MYOM1: variants seen among roughly 807,000 people sequenced by gnomAD.
MYOM1 encodes the protein myomesin-1.
MYOM1 carries 164 observed loss-of-function variants against 205.3 expected under a neutral mutation model. The observed-to-expected ratio is 0.80, with a 90% confidence interval of 0.70 to 0.91. The LOEUF (loss-of-function observed/expected upper bound fraction) is 0.91, where lower values mean the gene tolerates loss of function less well. Among genes scored for constraint, MYOM1 ranks in the 40% least tolerant of loss-of-function variants. The pLI is 0.00. For synonymous variants in MYOM1, 772 were observed against 789.4 expected, an observed-to-expected ratio of 0.98 and a Z score of 0.37; for missense variants, 2,011 against 2,127.3, an observed-to-expected ratio of 0.95 and a Z score of 1.08.
In MYOM1 at chr18:3,174,086, C is replaced by CAT. The variant is rs67577394; in HGVS notation, c.1111+33_1111+34insAT. 105,549 of 1,610,040 alleles carry CAT rather than the reference C, an allele frequency of 0.066. 4,124 individuals are homozygous for CAT. The highest frequency in any genetic ancestry group is 0.15 in the African/African-American group (11,422 of 74,860). On this transcript the variant is annotated intron_variant, in intron 7 of 37. Transcript: ENST00000356443. ...GGGAAGAAATTTTTAAAAACACACACACACTTTGAAGAAAACAAATCTAGC... is the reference window on the plus strand; with the variant it reads ...GGGAAGAAATTTTTAAAAACACACACATACACTTTGAAGAAAACAAATCTAGC...
In MYOM1 at chr18:3,089,604, T is replaced by C. The variant is rs1393101827; in HGVS notation, c.4010-8A>G. 5.0e-6 allele frequency: 8 copies of C among 1,603,120 alleles called. No homozygotes were observed. Among genetic ancestry groups the C allele is most frequent in the African/African-American group, 2.7e-5 (2 of 74,764 alleles). On this transcript the variant is annotated splice_region_variant and splice_polypyrimidine_tract_variant and intron_variant, in intron 27 of 37. Coordinates refer to ENST00000356443, the MANE Select transcript of MYOM1 (RefSeq NM_003803.4). ...TCTGGAGCTTTTTGAAAACTACAAA[T>C]TGAAAAACAAGGAAGTGTGAAATTG...
chr18:3,080,444 C>T (rs1356776471), intron 33 of MYOM1, among the ~76,000 whole-genome samples: 4 of 152,072 alleles, frequency 2.6e-5, no homozygotes, highest in Non-Finnish European at 5.9e-5. Flanking sequence ...GAAGCGGAGG[C>T]AGGCGGATCA....
chr18:3,097,263 T>G (rs2079317397), intron 25 of MYOM1, among the ~76,000 whole-genome samples: 1 of 152,184 alleles, frequency 6.6e-6, no homozygotes, highest in Non-Finnish European at 1.5e-5. Context: ...CCACCAGACC[T>G]CTGAAGATAT....
At chr18:3,101,510 T>C (rs1487395422) in intron 23 of MYOM1, among the ~76,000 whole-genome samples, 2 of 152,326 alleles carry the variant, frequency 1.3e-5, no homozygotes, top group Non-Finnish European at 2.9e-5. Context: ...CAAGGTTATA[T>C]AGCCAGCTCC....
At chr18:3,201,786 G>C (rs2081072008) in intron 2 of MYOM1, among the ~76,000 whole-genome samples, 1 of 151,806 alleles carries the variant, frequency 6.6e-6, no homozygotes, top group Non-Finnish European at 1.5e-5. Context: ...TGGGACTACA[G>C]GCACACATCA....
chr18:3,067,441 TC>T lies in MYOM1; in HGVS notation c.4878del (p.Arg1627GlyfsTer10). On this transcript the variant is annotated frameshift_variant, in exon 38 of 38. Coordinates refer to ENST00000356443, the MANE Select transcript of MYOM1 (RefSeq NM_003803.4). LOFTEE classifies it low-confidence loss of function (END_TRUNC). ...DDHCNLKFEA[G>X]RTAYFTINGV... Reference sequence around the variant, plus strand: ...CCGTTGATGGTGAAGTACGCGGTCCTCCCAGCCTCGAACTTGAGGTTGCAGT... The same window carrying T: ...CCGTTGATGGTGAAGTACGCGGTCCTCCAGCCTCGAACTTGAGGTTGCAGT... 6.2e-7 allele frequency: 1 copy of T among 1,613,740 alleles called. No homozygotes were observed. Among genetic ancestry groups the T allele is most frequent in the African/African-American group, 1.3e-5 (1 of 75,048 alleles).
At chr18:3,072,688 T>TTGAG (rs1555613686) in intron 36 of MYOM1, among the ~76,000 whole-genome samples, 1 of 147,086 alleles carries the variant, frequency 6.8e-6, no homozygotes, top group African/African-American at 2.7e-5. Context: ...CACCGTCATA[T>TTGAG]TGTGTGTGTG....
At chr18:3,244,571 T>TG in the MYOM1 span, among the ~76,000 whole-genome samples, 2 of 151,906 alleles carry the variant, frequency 1.3e-5, no homozygotes, top group Non-Finnish European at 2.9e-5. Context: ...CTGGCCAACA[T>TG]GGTGAAACTC....
intron 18 of MYOM1, among the ~76,000 whole-genome samples, chr18:3,127,589 G>T (rs2079814050): frequency 6.6e-6 from 1 of 151,832 alleles, no homozygotes; most frequent in Admixed American, 6.6e-5. Context: ...GATTACAGGT[G>T]TGAATCACCA....
rs559850099 is a variant in MYOM1, at chr18:3,077,521, C to T, written c.4648+1658G>A. On this transcript the variant is annotated intron_variant, in intron 34 of 37. Transcript: ENST00000356443. ...TAAAATGAAGGGTAGACCAGTTAGG[C>T]GGACCCAGGCTGAGGTTAGTGCTTC... Among the ~76,000 whole-genome samples the T allele has an allele frequency of 5.7e-4, 86 of 152,210 alleles. 1 individual carries two copies. Among genetic ancestry groups the T allele is most frequent in the African/African-American group, 2.0e-3 (85 of 41,538 alleles).
At chr18:3,239,498 G>A in the MYOM1 span, among the ~76,000 whole-genome samples, 1 of 152,302 alleles carries the variant, frequency 6.6e-6, no homozygotes, top group South Asian at 2.1e-4. Context: ...CCTCATGCCT[G>A]TAATCTCAAC....
chr18:3,246,214 T>G, the MYOM1 span: 2 of 152,274 alleles, frequency 1.3e-5, no homozygotes, highest in African/African-American at 4.8e-5. Context: ...CACCACCCTG[T>G]GGAGGTGTCC....
rs571138845 is a variant in MYOM1 at position 3,152,354 on chromosome 18, G to C, written c.1644-461C>G. Among the ~76,000 whole-genome samples, 39 of 152,312 alleles carry C rather than the reference G, an allele frequency of 2.6e-4. No homozygotes were observed. The South Asian group carries it at 7.9e-3, about 31-fold the overall frequency. ...TTAAAACCTAACTATTTGCACTGTA[G>C]TTTGGAAAAGAGTTCACCATATTTC... is the stretch of plus-strand genomic sequence containing the variant. On this transcript the variant is annotated intron_variant, in intron 11 of 37. Transcript: ENST00000356443. This position sits in a 1 kb window ranked among gnomAD's most constrained non-coding sequence, Gnocchi z 4.3.
intron 3 of MYOM1, chr18:3,190,432 A>G (rs1176792906): frequency 1.3e-5 from 2 of 152,182 alleles, no homozygotes; most frequent in Admixed American, 6.5e-5. Flanking sequence ...GAGATTCCAC[A>G]TTTGCCAAGA....
At chr18:3,147,806 C>G (rs1282612477) in intron 13 of MYOM1, among the ~76,000 whole-genome samples, 1 of 151,886 alleles carries the variant, frequency 6.6e-6, no homozygotes, top group East Asian at 1.9e-4. Flanking sequence ...CAAGTATGAA[C>G]GATAGTAATA....
At chr18:3,224,978 A>ATTATTTTATT in the MYOM1 span, among the ~76,000 whole-genome samples, 14 of 127,516 alleles carry the variant, frequency 1.1e-4, no homozygotes, top group South Asian at 4.9e-4. Flanking sequence ...TATTAGTATT[A>ATTATTTTATT]TTATTTTATT....
chr18:3,235,084 A>G, the MYOM1 span, among the ~76,000 whole-genome samples: 1 of 151,906 alleles, frequency 6.6e-6, no homozygotes, highest in Admixed American at 6.6e-5. Context: ...TGTTTTTTCC[A>G]TCATTCTCAC....
At chr18:3,080,719 T>C (rs747011806) in intron 33 of MYOM1, among the ~76,000 whole-genome samples, 1 of 152,008 alleles carries the variant, frequency 6.6e-6, no homozygotes, top group Non-Finnish European at 1.5e-5. Context: ...CTTTCTAATA[T>C]TTAGCATTTT....
intron 21 of MYOM1, among the ~76,000 whole-genome samples, chr18:3,112,727 C>A (rs78964507): frequency 1.3e-5 from 2 of 152,284 alleles, no homozygotes; most frequent in South Asian, 2.1e-4. Context: ...GTGTCACATG[C>A]GTTAGCCACT....
Sources: allele counts gnomAD v4.1 joint callset (sites outside exome capture counted in the v4.1 genomes callset), GRCh38; gene constraint gnomAD v4.1.1; non-coding constraint Gnocchi (gnomAD v3.1); transcripts MANE v1.5; gene names NCBI Gene and HGNC (gene_info 2026-07-23, HGNC 2026-07-21).